The following FOXP4 variants were observed in gnomAD, a reference collection of about 807,000 sequenced individuals.
FOXP4 encodes the protein forkhead box protein P4.
A neutral mutation model predicts 82.6 loss-of-function variants in FOXP4; 25 were observed. The observed-to-expected ratio is 0.30, with a 90% CI of 0.22 to 0.42. The LOEUF (loss-of-function observed/expected upper bound fraction) is 0.42, where lower values mean the gene tolerates loss of function less well. Ranked by LOEUF, FOXP4 falls within the 10% of genes least tolerant of loss-of-function variation. FOXP4 has a pLI of 1.00. For synonymous variants in FOXP4, 415 were observed against 388.2 expected, an observed-to-expected ratio of 1.07 and a Z score of -0.81; for missense variants, 785 against 900.9, an observed-to-expected ratio of 0.87 and a Z score of 1.65.
chr6:41,556,289 G>A (rs983946935), intron 1 of FOXP4, among the ~76,000 whole-genome samples: 3 of 151,834 alleles, frequency 2.0e-5, no homozygotes, highest in Non-Finnish European at 4.4e-5. Flanking sequence ...GAGGAGGGAG[G>A]GGCTATAGGA....
intron 3 of FOXP4, 111 bp downstream of exon 3, chr6:41,578,192 A>C: frequency 1.2e-6 from 1 of 857,300 alleles, no homozygotes; most frequent in Non-Finnish European, 1.8e-6. Context: ...CAACACCAAA[A>C]AGTGGGCAAC....
At chr6:41,569,888 C>T (rs1765090962) in intron 2 of FOXP4, among the ~76,000 whole-genome samples, 1 of 151,828 alleles carries the variant, frequency 6.6e-6, no homozygotes, top group Non-Finnish European at 1.5e-5. Context: ...CATTAATGGG[C>T]TTTTACCTCA....
At position 41,587,027 on chromosome 6, in the gene FOXP4, C is replaced by G; in HGVS notation, c.529C>G (p.Leu177Val). 1 of 1,596,118 alleles carries G rather than the reference C, an allele frequency of 6.3e-7. No individual in the cohort carries two copies. ...QPKEALGNKQLAFQQQLLQMQ... is the reference protein window; with the variant it reads ...QPKEALGNKQVAFQQQLLQMQ... Reference sequence around the variant, plus strand: ...TCACCAGGCACTGGGGAACAAGCAGCTGGCCTTCCAGCAGCAGCTCCTGCA... The same window carrying G: ...TCACCAGGCACTGGGGAACAAGCAGGTGGCCTTCCAGCAGCAGCTCCTGCA... Residue 177 changes from leucine (L) to valine (V), a missense_variant, in exon 6 of 17, where the codon CTG (leucine) becomes GTG (valine). Leu to Val is a conservative substitution (Grantham distance 32). Coordinates refer to ENST00000307972, the MANE Select transcript of FOXP4 (RefSeq NM_001012426.2).
In FOXP4 at chr6:41,584,795, G is replaced by T; in HGVS notation, c.327G>T (p.Ser109=). 1 of 1,598,128 alleles carries T rather than the reference G, an allele frequency of 6.3e-7. No homozygotes were observed. Among genetic ancestry groups the T allele is most frequent in the Non-Finnish European group, 8.5e-7 (1 of 1,172,656 alleles). ...TGCCTGTGTCGGTGGCCATGATGTCGCCGCAGATGCTTACCCCGCAACAGA... is the reference window on the plus strand; with the variant it reads ...TGCCTGTGTCGGTGGCCATGATGTCTCCGCAGATGCTTACCCCGCAACAGA... ...VQVPVSVAMM[S]PQMLTPQQMQ... Residue 109 remains serine (S), a synonymous_variant, in exon 4 of 17, where the codon TCG becomes TCT. Coordinates refer to ENST00000307972, the MANE Select transcript of FOXP4 (RefSeq NM_001012426.2).
intron 10 of FOXP4, 46 bp downstream of exon 10, chr6:41,589,900 C>T: frequency 6.2e-7 from 1 of 1,609,738 alleles, no homozygotes. Flanking sequence ...CTTCCACAGA[C>T]CCTGGAGCCT....
intron 8 of FOXP4, among the ~76,000 whole-genome samples, chr6:41,588,327 T>G (rs542601552): frequency 8.5e-5 from 13 of 152,282 alleles, no homozygotes; most frequent in African/African-American, 2.9e-4. Flanking sequence ...CACTGACTGA[T>G]TAACTCCGCT....
At chr6:41,570,377 C>G (rs1053529435) in intron 2 of FOXP4, 7 of 471,294 alleles carry the variant, frequency 1.5e-5, no homozygotes, top group African/African-American at 1.0e-4. Flanking sequence ...ACTGCCCTTT[C>G]CTCCTTGGCC....
Position 41,587,343 on chromosome 6 carries a change from G to T in FOXP4, c.703G>T (p.Gly235Cys). The change falls in exon 7 of 17, where the codon GGT (glycine) becomes TGT (cysteine). Residue 235 changes from glycine to cysteine, a missense_variant. Around this residue, in one of 3 missense-constraint regions of FOXP4, gnomAD observed 570 missense variants for 634.0 expected, o/e 0.90. Transcript: ENST00000307972. Reference sequence around the variant, plus strand: ...CCTGCCCCAGCTGTGGAAGGGCGAGGGTGCCCCCGGGCAGCCTGCCGAGGA... The same window carrying T: ...CCTGCCCCAGCTGTGGAAGGGCGAGTGTGCCCCCGGGCAGCCTGCCGAGGA... Reference protein sequence around the residue: ...TDLPQLWKGEGAPGQPAEDSV... With the variant: ...TDLPQLWKGECAPGQPAEDSV... 6.2e-7 allele frequency: 1 copy of T among 1,611,592 alleles called. No individual in the cohort carries two copies.
In FOXP4 at chr6:41,591,304, A is replaced by G. The variant is rs1344660434; in HGVS notation, c.1518A>G (p.Arg506=). ...WFTRMFAYFR[R]NTATWKNAVR... is the part of the protein sequence containing the mutation. Reference sequence around the variant, plus strand: ...CCAGGATGTTCGCCTATTTCCGCAGAAACACTGCCACCTGGAAGGTGAAGC... The same window carrying G: ...CCAGGATGTTCGCCTATTTCCGCAGGAACACTGCCACCTGGAAGGTGAAGC... The change falls in exon 13 of 17, where the codon AGA becomes AGG. Residue 506 remains arginine, a synonymous_variant. Coordinates refer to ENST00000307972, the MANE Select transcript of FOXP4 (RefSeq NM_001012426.2). The surrounding 1 kb of genome is among the most constrained non-coding windows in gnomAD (Gnocchi z 4.2). 2.5e-6 allele frequency: 4 copies of G among 1,603,676 alleles called. No homozygotes were observed. In the South Asian group the frequency reaches 3.4e-5, roughly 14 times the overall value.
chr6:41,562,147 TGGC>T (rs1764619353), intron 1 of FOXP4, among the ~76,000 whole-genome samples: 1 of 152,298 alleles, frequency 6.6e-6, no homozygotes, highest in Middle Eastern at 3.4e-3. Context: ...TGCTCATCCT[TGGC>T]GGGCAGGTAT....
At chr6:41,547,351 G>A (rs1763699540) in intron 1 of FOXP4, 2 of 152,212 alleles carry the variant, frequency 1.3e-5, no homozygotes, top group Non-Finnish European at 2.9e-5. Context: ...AGACTTTCCA[G>A]AGCTGGGAAG....
At chr6:41,578,104 G>A in intron 3 of FOXP4, 23 bp downstream of exon 3, 1 of 1,603,100 alleles carries the variant, frequency 6.2e-7, no homozygotes, top group Non-Finnish European at 8.5e-7. Flanking sequence ...GCACCCCGCT[G>A]GCTCTGGGTT....
At chr6:41,548,476 A>C (rs2127297135) in intron 1 of FOXP4, 1 of 152,452 alleles carries the variant, frequency 6.6e-6, no homozygotes, top group African/African-American at 2.4e-5. Context: ...GGCAGCACAC[A>C]CAGCTTGAGG....
rs1466279130 is a variant in FOXP4, at chr6:41,591,336, C to T, written c.1536+14C>T. Reference sequence around the variant, plus strand: ...GCCACCTGGAAGGTGAAGCAGGCCCCTTCCACCTTCTGGGCCCCAGTCACC... The same window carrying T: ...GCCACCTGGAAGGTGAAGCAGGCCCTTTCCACCTTCTGGGCCCCAGTCACC... On this transcript the variant is annotated intron_variant, in intron 13 of 16. Transcript: ENST00000307972. This position sits in a 1 kb window ranked among gnomAD's most constrained non-coding sequence, Gnocchi z 4.2. 3 of 1,575,140 alleles carry T rather than the reference C, an allele frequency of 1.9e-6. No homozygotes were observed. Among genetic ancestry groups the T allele is most frequent in the Non-Finnish European group, 2.6e-6 (3 of 1,157,504 alleles).
chr6:41,569,070 C>T (rs1198044606), intron 2 of FOXP4, among the ~76,000 whole-genome samples: 1 of 152,222 alleles, frequency 6.6e-6, no homozygotes, highest in Non-Finnish European at 1.5e-5. Flanking sequence ...CCACCTCCTT[C>T]ATCCCAGCCT....
intron 1 of FOXP4, among the ~76,000 whole-genome samples, chr6:41,549,530 C>T (rs1562002242): frequency 6.6e-6 from 1 of 152,114 alleles, no homozygotes; most frequent in Admixed American, 6.5e-5. Context: ...CCCAAACATA[C>T]CTCTTCCTTG....
intron 3 of FOXP4, among the ~76,000 whole-genome samples, chr6:41,580,670 C>T (rs1765746918): frequency 6.6e-6 from 1 of 152,168 alleles, no homozygotes; most frequent in Non-Finnish European, 1.5e-5. Context: ...AAGTAGGGCC[C>T]AGGGCCTTGA....
chr6:41,554,331 C>T lies in FOXP4; in HGVS notation c.-17+7464C>T, dbSNP rs1195858944. 2.0e-5 allele frequency among the ~76,000 whole-genome samples: 3 copies of T among 152,172 alleles called. 1 individual carries two copies. The highest frequency in any genetic ancestry group is 4.4e-5 in the Non-Finnish European group (3 of 68,040). ...CAATGGTAAATTTCACATAAATATC[C>T]CCACTTCTGCTCCTTTTGAAAAACC... On this transcript the variant is annotated intron_variant, in intron 1 of 16. Transcript: ENST00000307972.
chr6:41,555,449 A>C (rs1325471656), intron 1 of FOXP4, among the ~76,000 whole-genome samples: 3 of 152,194 alleles, frequency 2.0e-5, no homozygotes, highest in Non-Finnish European at 4.4e-5. Context: ...GGGAGGGGCC[A>C]AGGCATGTCG....
Sources: gnomAD v4.1 joint callset for allele counts (sites outside exome capture counted in the v4.1 genomes callset) on GRCh38, gnomAD v4.1.1 for gene constraint, gnomAD v4.1.1 regional missense constraint, Gnocchi (gnomAD v3.1) non-coding constraint, MANE v1.5 for transcripts, NCBI Gene and HGNC (gene_info 2026-07-23, HGNC 2026-07-21) for gene names.